Variants in TMEM39A observed in about 807,000 individuals in gnomAD.
TMEM39A encodes suppressor of SQST-1 aggregates in rpl-43 mutants.
Under a neutral mutation model 51.9 loss-of-function variants are expected in TMEM39A, and 19 were observed. The observed-to-expected ratio is 0.37, with a 90% CI of 0.26 to 0.54. The LOEUF is 0.54. TMEM39A is among the 20% of genes least tolerant of loss of function. TMEM39A has a pLI of 0.88. For missense variants in TMEM39A, 433 were observed against 590.5 expected (o/e 0.73, Z 2.76); for synonymous variants, 197 against 220.2 (o/e 0.89, Z 0.93).
chr3:119,442,776 T>C (rs995482857), intron 5 of TMEM39A, among the ~76,000 whole-genome samples: 10 of 152,064 alleles, frequency 6.6e-5, no homozygotes. Flanking sequence ...AAGTGGAGCC[T>C]GGACTAGGTG....
Position 119,431,969 on chromosome 3 carries a change from T to C in TMEM39A, c.*12A>G. On this transcript the variant is annotated 3_prime_UTR_variant, in exon 9 of 9. Coordinates refer to ENST00000319172, the MANE Select transcript of TMEM39A (RefSeq NM_018266.3). ...TTTTTATCTGAGTTCTCCCTCATTGTTGAGAGGCAGCTTAGTTTGCCTTGA... is the reference window on the plus strand; with the variant it reads ...TTTTTATCTGAGTTCTCCCTCATTGCTGAGAGGCAGCTTAGTTTGCCTTGA... 1 of 1,540,692 alleles carries C rather than the reference T, an allele frequency of 6.5e-7. No individual in the cohort carries two copies. Among genetic ancestry groups the C allele is most frequent in the Non-Finnish European group, 8.8e-7 (1 of 1,131,824 alleles).
Position 119,431,902 on chromosome 3 carries a change from AT to A in TMEM39A, c.*78del. The A allele has an allele frequency of 1.0e-6, 1 of 965,166 alleles. No homozygotes were observed. 59.8% of individuals were successfully genotyped at this position (965,166 alleles called of 1,614,324 possible). On this transcript the variant is annotated 3_prime_UTR_variant, in exon 9 of 9. Transcript: ENST00000319172. ...ATACAAAATATAAAATATCTTAAAT[AT>A]TTATAAAAATCACAAGAAAAAAATA...
At chr3:119,461,339 A>G (rs1450428543) in intron 2 of TMEM39A, among the ~76,000 whole-genome samples, 1 of 152,218 alleles carries the variant, frequency 6.6e-6, no homozygotes, top group Non-Finnish European at 1.5e-5. Flanking sequence ...AAAGTGCATA[A>G]ATACCATTAG....
Position 119,437,884 on chromosome 3 carries a change from T to G in TMEM39A, c.795A>C (p.Leu265=). The G allele has an allele frequency of 6.2e-7, 1 of 1,613,570 alleles. No homozygotes were observed. The highest frequency in any genetic ancestry group is 8.5e-7 in the Non-Finnish European group (1 of 1,179,538). ...CTTCATTGCGAATGAGGTCTGGAGA[T>G]AGGGGACAACTGTGGGTGGGGATGG... The part of the protein sequence containing the change: ...ATPIPTHSCP[L]SPDLIRNEVE... Residue 265 remains leucine, a synonymous_variant, in exon 6 of 9, where the codon CTA becomes CTC. Coordinates refer to ENST00000319172, the MANE Select transcript of TMEM39A (RefSeq NM_018266.3).
chr3:119,456,977 T>C (rs1276436354), intron 3 of TMEM39A, among the ~76,000 whole-genome samples: 1 of 151,238 alleles, frequency 6.6e-6, no homozygotes, highest in African/African-American at 2.4e-5. Flanking sequence ...GGTACTCTTT[T>C]TTTTTTTTTT....
intron 4 of TMEM39A, among the ~76,000 whole-genome samples, chr3:119,452,101 T>C (rs1322597791): frequency 1.3e-5 from 2 of 152,224 alleles, no homozygotes; most frequent in East Asian, 1.9e-4. Flanking sequence ...TGGAACTGAA[T>C]GTTTTAGGTG....
chr3:119,457,006 T>C (rs1225838782), intron 3 of TMEM39A, among the ~76,000 whole-genome samples: 1 of 151,394 alleles, frequency 6.6e-6, no homozygotes, highest in Non-Finnish European at 1.5e-5. Context: ...AGTCTCGCTC[T>C]GTCGCCCAGG....
At chr3:119,457,435 A>AG (rs2081280690) in intron 3 of TMEM39A, among the ~76,000 whole-genome samples, 1 of 152,218 alleles carries the variant, frequency 6.6e-6, no homozygotes, top group Non-Finnish European at 1.5e-5. Flanking sequence ...CTTCTCTTGT[A>AG]ATTAGGAGTG....
chr3:119,435,421 G>A (rs2080955032), intron 7 of TMEM39A: 33 of 981,390 alleles, frequency 3.4e-5, no homozygotes, highest in Middle Eastern at 5.2e-4. Flanking sequence ...AGAACACAGC[G>A]ATACATCTCA....
Position 119,452,386 on chromosome 3 carries a change from G to A in TMEM39A, c.420+61C>T, listed in dbSNP as rs115226307. ...TGGGGACACGTCACGTTTTTAACCT[G>A]CACCCATTCTAGTAACTAACTCTAG... On this transcript the variant is annotated intron_variant, in intron 4 of 8. Transcript: ENST00000319172. 2.6e-3 allele frequency: 3,496 copies of A among 1,324,018 alleles called. 70 individuals are homozygous for A. The African/African-American group carries it at 0.04, about 15-fold the overall frequency. The allele number at this position is 1,324,018 out of a possible 1,614,324, so 82.0% of individuals were successfully genotyped here. A position where few individuals can be genotyped will look rare whatever the true frequency, so the allele number is the denominator to read the frequency against.
At position 119,430,041 on chromosome 3, in the gene TMEM39A, GT is replaced by G. The variant is rs1284576887; in HGVS notation, c.*1939del. ...AACTGCTGAGTAATCTCATGAAAATGTTGCTGCCAAGAGAAGCATATTTTCA... is the reference window on the plus strand; with the variant it reads ...AACTGCTGAGTAATCTCATGAAAATGTGCTGCCAAGAGAAGCATATTTTCA... On this transcript the variant is annotated 3_prime_UTR_variant, in exon 9 of 9. Coordinates refer to ENST00000319172, the MANE Select transcript of TMEM39A (RefSeq NM_018266.3). 1 of 152,064 alleles carries G rather than the reference GT, an allele frequency of 6.6e-6. No homozygotes were observed. The highest frequency in any genetic ancestry group is 1.5e-5 in the Non-Finnish European group (1 of 67,976). The allele number at this position is 152,064 out of a possible 1,614,324, so 9.4% of individuals were successfully genotyped here.
At chr3:119,451,750 T>C (rs2081201881) in intron 4 of TMEM39A, among the ~76,000 whole-genome samples, 1 of 135,346 alleles carries the variant, frequency 7.4e-6, no homozygotes. Flanking sequence ...AAATCGCTTG[T>C]ACCCAGGAGA....
chr3:119,445,163 G>A (rs571030773), intron 5 of TMEM39A, among the ~76,000 whole-genome samples: 2 of 152,188 alleles, frequency 1.3e-5, no homozygotes, highest in South Asian at 2.1e-4. Flanking sequence ...TATGTGTAAC[G>A]CTCTGAAGTC....
rs908009777 is a variant in TMEM39A at position 119,446,015 on chromosome 3, T to C, written c.575+1003A>G. On this transcript the variant is annotated intron_variant, in intron 5 of 8. Coordinates refer to ENST00000319172, the MANE Select transcript of TMEM39A (RefSeq NM_018266.3). Reference sequence around the variant, plus strand: ...ATAGTACCAAACCCTACATACACTATGTTTTTTCCTATACTATATACACAT... The same window carrying C: ...ATAGTACCAAACCCTACATACACTACGTTTTTTCCTATACTATATACACAT... Among the ~76,000 whole-genome samples the C allele has an allele frequency of 7.9e-5, 12 of 152,348 alleles. 1 individual carries two copies. In the South Asian group the frequency reaches 2.5e-3, roughly 32 times the overall value.
At chr3:119,455,830 G>A (rs2081256637) in intron 3 of TMEM39A, among the ~76,000 whole-genome samples, 1 of 152,180 alleles carries the variant, frequency 6.6e-6, no homozygotes. Context: ...GTCAACCCAA[G>A]TAGAAATTTT....
At chr3:119,452,966 C>T (rs1560018528) in intron 3 of TMEM39A, among the ~76,000 whole-genome samples, 1 of 152,192 alleles carries the variant, frequency 6.6e-6, no homozygotes, top group Non-Finnish European at 1.5e-5. Flanking sequence ...TGGGCATCTA[C>T]TAAATTCTCT....
intron 4 of TMEM39A, among the ~76,000 whole-genome samples, chr3:119,450,694 C>T (rs898567323): frequency 2.0e-5 from 3 of 151,774 alleles, no homozygotes; most frequent in African/African-American, 4.8e-5. Flanking sequence ...TGGTCGTGGG[C>T]GCCTGCAATC....
chr3:119,437,984 CCCACAG>C lies in TMEM39A; in HGVS notation c.689_694del (p.Thr230_Gly232delinsArg). 1 of 1,614,150 alleles carries C rather than the reference CCCACAG, an allele frequency of 6.2e-7. No homozygotes were observed. The highest frequency in any genetic ancestry group is 8.5e-7 in the Non-Finnish European group (1 of 1,180,008). ...AAAGTCTTTGGATTTGGCCAAGCCT[CCCACAG>C]TCGAGGCACTTTCCTCTACTGCCTC... On this transcript the variant is annotated inframe_deletion, in exon 6 of 9. Transcript: ENST00000319172.
At position 119,437,882 on chromosome 3, in the gene TMEM39A, G is replaced by A. The variant is rs755717516; in HGVS notation, c.797C>T (p.Ser266Phe). 3 of 1,613,638 alleles carry A rather than the reference G, an allele frequency of 1.9e-6. No individual in the cohort carries two copies. Among genetic ancestry groups the A allele is most frequent in the Non-Finnish European group, 2.5e-6 (3 of 1,179,596 alleles). ...TACTTCATTGCGAATGAGGTCTGGA[G>A]ATAGGGGACAACTGTGGGTGGGGAT... ...TPIPTHSCPL[S>F]PDLIRNEVEC... The change falls in exon 6 of 9, where the codon TCT (serine) becomes TTT (phenylalanine). Residue 266 changes from serine (S) to phenylalanine (F), a missense_variant. Ser to Phe is a radical substitution (Grantham distance 155). Transcript: ENST00000319172.
Sources: allele counts gnomAD v4.1 joint callset (sites outside exome capture counted in the v4.1 genomes callset), GRCh38; gene constraint gnomAD v4.1.1; transcripts MANE v1.5; gene names NCBI Gene and HGNC (gene_info 2026-07-23, HGNC 2026-07-21).